MED10: variants seen among roughly 807,000 people sequenced by gnomAD.
The protein encoded by MED10 is mediator complex subunit 10.
In MED10, 9 loss-of-function variants were observed where a neutral mutation model predicts 17.2. The observed-to-expected ratio is 0.52, with a 90% CI of 0.31 to 0.91. The LOEUF (loss-of-function observed/expected upper bound fraction) is 0.91, where lower values mean the gene tolerates loss of function less well. Among genes scored for constraint, MED10 ranks in the 40% least tolerant of loss-of-function variants. The pLI, the probability that MED10 is intolerant of heterozygous loss-of-function variation, is 0.04. For missense variants in MED10, 129 were observed against 164.8 expected, an observed-to-expected ratio of 0.78 and a Z score of 1.19; for synonymous variants, 66 against 59.8, an observed-to-expected ratio of 1.10 and a Z score of -0.48.
intron 2 of MED10, among the ~76,000 whole-genome samples, chr5:6,375,332 A>G (rs1441638562): frequency 2.0e-5 from 3 of 152,258 alleles, no homozygotes; most frequent in Admixed American, 6.5e-5. Context: ...TTCGAATTTT[A>G]TAATTGAGGC....
intron 2 of MED10, 138 bp downstream of exon 2, chr5:6,377,028 T>TC (rs1234260711): frequency 4.0e-5 from 18 of 450,336 alleles, no homozygotes; most frequent in Non-Finnish European, 7.1e-5. Context: ...TATTTTTTTT[T>TC]CCACTGGCAC....
Position 6,378,406 on chromosome 5 carries a change from G to C in MED10, c.78C>G (p.Val26=), listed in dbSNP as rs1350459929. The part of the protein sequence containing the change: ...VENIRQLGII[V]SDFQPSSQAG... ...CCTGGCTGCTGGGCTGGAAGTCACT[G>C]ACGATGATGCCGAGCTGCCGAATGT... The change falls in exon 1 of 4, where the codon GTC becomes GTG. Residue 26 remains valine (V), a synonymous_variant. Coordinates refer to ENST00000255764, the MANE Select transcript of MED10 (RefSeq NM_032286.3). The C allele has an allele frequency of 6.2e-7, 1 of 1,613,532 alleles. No individual in the cohort carries two copies. The highest frequency in any genetic ancestry group is 1.7e-5 in the Admixed American group (1 of 60,018).
At position 6,378,388 on chromosome 5, in the gene MED10, G is replaced by A; in HGVS notation, c.96C>T (p.Ser32=). The change falls in exon 1 of 4, where the codon AGC becomes AGT. Residue 32 remains serine, a synonymous_variant. Coordinates refer to ENST00000255764, the MANE Select transcript of MED10 (RefSeq NM_032286.3). ...LGIIVSDFQP[S]SQAGLNQKLN... ...GCTTTTGGTTGAGCCCGGCCTGGCT[G>A]CTGGGCTGGAAGTCACTGACGATGA... The A allele has an allele frequency of 6.2e-7, 1 of 1,612,746 alleles. No individual in the cohort carries two copies. Among genetic ancestry groups the A allele is most frequent in the Non-Finnish European group, 8.5e-7 (1 of 1,179,686 alleles).
chr5:6,377,493 GGA>G (rs1398240081), intron 1 of MED10, among the ~76,000 whole-genome samples: 1 of 152,224 alleles, frequency 6.6e-6, no homozygotes, highest in Non-Finnish European at 1.5e-5. Context: ...TAAGGGGGAT[GGA>G]GAGGGAACCT....
rs1337723716 is a variant in MED10, at chr5:6,378,535, G to C, written c.-52C>G. The C allele has an allele frequency of 6.4e-7, 1 of 1,571,426 alleles. No homozygotes were observed. Among genetic ancestry groups the C allele is most frequent in the African/African-American group, 1.4e-5 (1 of 73,300 alleles). ...AGCCTCAACCAGCAGCGCCGCAGGC[G>C]TGGCCCTACGCTCCCGCTTCCTGCT... On this transcript the variant is annotated 5_prime_UTR_variant, in exon 1 of 4. Coordinates refer to ENST00000255764, the MANE Select transcript of MED10 (RefSeq NM_032286.3).
At chr5:6,376,168 G>A (rs1353264867) in intron 2 of MED10, among the ~76,000 whole-genome samples, 1 of 152,200 alleles carries the variant, frequency 6.6e-6, no homozygotes, top group Non-Finnish European at 1.5e-5. Context: ...TCATCAGCAG[G>A]TGAACAGAAG....
intron 2 of MED10, chr5:6,374,772 T>C (rs977947619): frequency 7.1e-5 from 14 of 197,160 alleles, no homozygotes; most frequent in Admixed American, 6.9e-4. Context: ...TTACAGCAGC[T>C]TGTATGGTAA....
chr5:6,373,977 T>A (rs1389571579), intron 3 of MED10, among the ~76,000 whole-genome samples: 4 of 152,122 alleles, frequency 2.6e-5, no homozygotes, highest in African/African-American at 9.7e-5. Context: ...CAAAGAACCA[T>A]GACTACAGGG....
At chr5:6,373,712 T>A (rs1316203585) in intron 3 of MED10, among the ~76,000 whole-genome samples, 2 of 152,120 alleles carry the variant, frequency 1.3e-5, no homozygotes, top group Non-Finnish European at 2.9e-5. Context: ...ACGGCAACAG[T>A]CGCATGGCGC....
Position 6,377,158 on chromosome 5 carries a change from T to C in MED10, c.206+8A>G. On this transcript the variant is annotated splice_region_variant and intron_variant, in intron 2 of 3. Transcript: ENST00000255764. ...ATACCCAAGACTAATATCAAGAATG[T>C]TACTTACTCAAAAACTTCTAACGGT... 2.5e-6 allele frequency: 4 copies of C among 1,582,250 alleles called. No individual in the cohort carries two copies. The highest frequency in any genetic ancestry group is 3.5e-6 in the Non-Finnish European group (4 of 1,154,944).
At chr5:6,375,555 G>T (rs1010758583) in intron 2 of MED10, among the ~76,000 whole-genome samples, 3 of 152,214 alleles carry the variant, frequency 2.0e-5, no homozygotes, top group Admixed American at 6.5e-5. Context: ...CAGGCTCACA[G>T]AATAAGGTTA....
chr5:6,377,134 T>C (rs758986625), intron 2 of MED10, 32 bp downstream of exon 2: 4 of 1,459,726 alleles, frequency 2.7e-6, no homozygotes, highest in Non-Finnish European at 1.9e-6. Context: ...ACAAGATTTA[T>C]ACCCAAGACT....
In MED10 at chr5:6,372,404, C is replaced by A; in HGVS notation, c.*99G>T. ...GGGGCTGAGGGGTGTGTCCAGGGCC[C>A]AGTCCCACCTCAGCAGGAAGGTGGC... On this transcript the variant is annotated 3_prime_UTR_variant, in exon 4 of 4. Coordinates refer to ENST00000255764, the MANE Select transcript of MED10 (RefSeq NM_032286.3). 1.0e-6 allele frequency: 1 copy of A among 975,032 alleles called. No homozygotes were observed. The highest frequency in any genetic ancestry group is 1.4e-5 in the South Asian group (1 of 73,786). The allele number at this position is 975,032 out of a possible 1,614,324, so 60.4% of individuals were successfully genotyped here. A position where few individuals can be genotyped will look rare whatever the true frequency, so the allele number is the denominator to read the frequency against.
chr5:6,377,426 G>C (rs1487934339), intron 1 of MED10, among the ~76,000 whole-genome samples, 177 bp from the exon 2 acceptor site: 1 of 152,200 alleles, frequency 6.6e-6, no homozygotes, highest in East Asian at 1.9e-4. Context: ...GACACCGTTA[G>C]AGTTACAAAA....
rs1737957829 is a variant in MED10 at position 6,374,719 on chromosome 5, AC to A, written c.207-294del. 3 of 281,692 alleles carry A rather than the reference AC, an allele frequency of 1.1e-5. No homozygotes were observed. In the South Asian group the frequency reaches 1.7e-4, roughly 16 times the overall value. The allele number at this position is 281,692 out of a possible 1,614,324, so 17.4% of individuals were successfully genotyped here. The stretch of plus-strand genomic sequence containing the variant: ...CACTTTACATGTGTTTAGCATTTGC[AC>A]TTTTCAAAATTCGTTCATGCTATTT... On this transcript the variant is annotated intron_variant, in intron 2 of 3. Coordinates refer to ENST00000255764, the MANE Select transcript of MED10 (RefSeq NM_032286.3).
chr5:6,374,746 AT>A (rs1317373525), intron 2 of MED10: 10 of 256,872 alleles, frequency 3.9e-5, no homozygotes, highest in Admixed American at 9.3e-5. Flanking sequence ...CATGCTATTT[AT>A]TACCTTTTTG....
intron 3 of MED10, among the ~76,000 whole-genome samples, chr5:6,372,876 G>A (rs1290554901): frequency 6.6e-6 from 1 of 152,350 alleles, no homozygotes; most frequent in East Asian, 1.9e-4. Context: ...GGAACTGTAA[G>A]CCACGTCCCT....
At chr5:6,375,298 C>A (rs1314738609) in intron 2 of MED10, among the ~76,000 whole-genome samples, 2 of 152,170 alleles carry the variant, frequency 1.3e-5, no homozygotes, top group African/African-American at 4.8e-5. Flanking sequence ...AAACAAAAAA[C>A]AAAAACTGAA....
At chr5:6,373,126 G>T (rs1560904551) in intron 3 of MED10, among the ~76,000 whole-genome samples, 1 of 152,172 alleles carries the variant, frequency 6.6e-6, no homozygotes, top group Non-Finnish European at 1.5e-5. Context: ...CTTCTGAGGT[G>T]TGCTGTTTAC....
Sources: allele counts gnomAD v4.1 joint callset (sites outside exome capture counted in the v4.1 genomes callset), GRCh38; gene constraint gnomAD v4.1.1; transcripts MANE v1.5; gene names NCBI Gene and HGNC (gene_info 2026-07-23, HGNC 2026-07-21).